Variants in FREM1 observed in about 807,000 individuals in gnomAD.
FREM1 encodes the protein FRAS1-related extracellular matrix protein 1.
In FREM1, 220 loss-of-function variants were observed where a neutral mutation model predicts 210.1. The observed-to-expected ratio is 1.05, with a 90% CI of 0.94 to 1.17. The LOEUF is 1.17. Among genes scored for constraint, FREM1 ranks in the 50% most tolerant of loss-of-function variants. The probability of loss-of-function intolerance (pLI) is 0.00; values close to 1 mark genes in which losing one functional copy is unlikely to be tolerated. For synonymous variants in FREM1, 1,189 were observed against 980.2 expected (o/e 1.21, Z -3.98); for missense variants, 3,454 against 2,675.5 (o/e 1.29, Z -6.42).
At chr9:14,771,117 G>A (rs966289251) in intron 25 of FREM1, among the ~76,000 whole-genome samples, 11 of 152,120 alleles carry the variant, frequency 7.2e-5, no homozygotes, top group Non-Finnish European at 1.6e-4. Flanking sequence ...TGGATTCCCT[G>A]CACTTGGCAC....
At chr9:14,818,912 G>T (rs1219783657) in intron 14 of FREM1, among the ~76,000 whole-genome samples, 3 of 152,124 alleles carry the variant, frequency 2.0e-5, no homozygotes, top group Non-Finnish European at 2.9e-5. Context: ...GATTATTTCA[G>T]TCTCTCTTTA....
intron 36 of FREM1, among the ~76,000 whole-genome samples, 161 bp downstream of exon 36, chr9:14,739,988 T>A (rs911561904): frequency 2.0e-4 from 31 of 152,180 alleles, no homozygotes; most frequent in African/African-American, 7.0e-4. Flanking sequence ...AAAAAAAAGG[T>A]TTAAGATGAG....
chr9:14,846,755 C>G (rs191207178), intron 7 of FREM1, among the ~76,000 whole-genome samples: 1 of 152,238 alleles, frequency 6.6e-6, no homozygotes, highest in African/African-American at 2.4e-5. Context: ...GCAGAGCAAG[C>G]TGGTCGAATT....
At chr9:14,797,457 T>C in intron 21 of FREM1, 41 bp downstream of exon 21, 4 of 1,532,658 alleles carry the variant, frequency 2.6e-6, no homozygotes, top group African/African-American at 1.4e-5. Context: ...TTTCATAGAA[T>C]TGTATAGAAA....
chr9:14,806,606 C>G, intron 18 of FREM1, 55 bp downstream of exon 18: 3 of 1,039,892 alleles, frequency 2.9e-6, no homozygotes, highest in Non-Finnish European at 4.4e-6. Context: ...CCTGGCCAAT[C>G]GCTTCCATAA....
intron 24 of FREM1, among the ~76,000 whole-genome samples, chr9:14,778,376 C>T (rs886154164): frequency 6.6e-6 from 1 of 151,470 alleles, no homozygotes; most frequent in Non-Finnish European, 1.5e-5. Context: ...CTTGGCTGGC[C>T]AAGGCGGGCA....
chr9:14,801,688 G>C lies in FREM1; in HGVS notation c.3658C>G (p.Pro1220Ala), dbSNP rs765288337. 14 of 1,613,812 alleles carry C rather than the reference G, an allele frequency of 8.7e-6. No individual in the cohort carries two copies. Among genetic ancestry groups the C allele is most frequent in the Non-Finnish European group, 1.1e-5 (13 of 1,179,696 alleles). Residue 1220 changes from proline to alanine, a missense_variant, in exon 20 of 37, where the codon CCT (proline) becomes GCT (alanine). Physicochemically the swap from Pro to Ala is conservative, Grantham distance 27. Coordinates refer to ENST00000380880, the MANE Select transcript of FREM1 (RefSeq NM_001379081.2). The stretch of plus-strand genomic sequence containing the variant: ...AGTTCCATGGAAAAGCTGTGAACAG[G>C]TGCATGTTTCTGGTGAGGGTTGGCT... ...QPANPHQKHA[P>A]VHSFSMELLK... is the part of the protein sequence containing the mutation.
intron 10 of FREM1, among the ~76,000 whole-genome samples, chr9:14,837,010 G>T (rs559327923): frequency 6.6e-5 from 10 of 152,304 alleles, no homozygotes; most frequent in Admixed American, 1.3e-4. Context: ...TTAGTCAGGT[G>T]GGCAACCTTT....
intron 5 of FREM1, among the ~76,000 whole-genome samples, chr9:14,852,730 T>C (rs1400337580): frequency 6.6e-6 from 1 of 152,172 alleles, no homozygotes; most frequent in African/African-American, 2.4e-5. Flanking sequence ...AGATGCTAGT[T>C]CTCACAGGAT....
In FREM1 at chr9:14,842,448, G is replaced by T. The variant is rs1279366336; in HGVS notation, c.1606C>A (p.Gln536Lys). 6.8e-6 allele frequency: 11 copies of T among 1,613,796 alleles called. No homozygotes were observed. Among genetic ancestry groups the T allele is most frequent in the African/African-American group, 2.7e-5 (2 of 74,926 alleles). The change falls in exon 9 of 37, where the codon CAG becomes AAG. Residue 536 changes from glutamine to lysine, a missense_variant. Coordinates refer to ENST00000380880, the MANE Select transcript of FREM1 (RefSeq NM_001379081.2). Reference sequence around the variant, plus strand: ...ATGGATCCCTGGATCAGGATGGTCTGCCCCTCCTCCAGTTCAATCACAACA... The same window carrying T: ...ATGGATCCCTGGATCAGGATGGTCTTCCCCTCCTCCAGTTCAATCACAACA... ...TNVVIELEEG[Q>K]TILIQGSMLR...
intron 1 of FREM1, among the ~76,000 whole-genome samples, chr9:14,879,690 C>T (rs1020454816): frequency 3.3e-5 from 5 of 152,114 alleles, no homozygotes; most frequent in Admixed American, 1.3e-4. Flanking sequence ...GGGATTTCTA[C>T]AAGGTATTGT....
chr9:14,832,044 G>C (rs554865498), intron 10 of FREM1, among the ~76,000 whole-genome samples: 2 of 152,232 alleles, frequency 1.3e-5, no homozygotes, highest in Non-Finnish European at 2.9e-5. Flanking sequence ...GTAACAGATT[G>C]TCTTCAACAT....
chr9:14,787,929 G>A (rs1668621553), intron 23 of FREM1, among the ~76,000 whole-genome samples: 1 of 152,072 alleles, frequency 6.6e-6, no homozygotes, highest in Non-Finnish European at 1.5e-5. Context: ...CAGGAAATAA[G>A]CAAATAAAAT....
intron 10 of FREM1, among the ~76,000 whole-genome samples, chr9:14,837,096 A>C (rs1824770733): frequency 6.6e-6 from 1 of 152,200 alleles, no homozygotes; most frequent in Non-Finnish European, 1.5e-5. Context: ...CCCTTGGCCC[A>C]TATGCTCCTG....
chr9:14,871,040 A>G (rs1439571061), intron 1 of FREM1, among the ~76,000 whole-genome samples: 1 of 151,896 alleles, frequency 6.6e-6, no homozygotes, highest in Non-Finnish European at 1.5e-5. Context: ...ACATTTTCTT[A>G]ATCCAGTCTA....
At chr9:14,827,793 C>G (rs536937298) in intron 10 of FREM1, among the ~76,000 whole-genome samples, 1 of 152,344 alleles carries the variant, frequency 6.6e-6, no homozygotes, top group Admixed American at 6.5e-5. Context: ...TGTGGGGTCT[C>G]TGCCCAGCAC....
chr9:14,756,267 T>C (rs531516464), intron 29 of FREM1, 107 bp downstream of exon 29: 3 of 789,874 alleles, frequency 3.8e-6, no homozygotes, highest in East Asian at 5.6e-5. Context: ...GAGTTTCTAG[T>C]TGGCTAAAGT....
At chr9:14,751,815 G>A (rs1267116396) in intron 29 of FREM1, 1 of 152,022 alleles carries the variant, frequency 6.6e-6, no homozygotes, top group Non-Finnish European at 1.5e-5. Context: ...GAAGTCAATG[G>A]AAAGGTGAAG....
intron 1 of FREM1, among the ~76,000 whole-genome samples, chr9:14,909,678 G>A (rs79648645): frequency 6.6e-6 from 1 of 152,352 alleles, no homozygotes; most frequent in East Asian, 1.9e-4. Context: ...ACTGAGAAGA[G>A]TTAGAAATTT....
Sources: gnomAD v4.1 joint callset for allele counts (sites outside exome capture counted in the v4.1 genomes callset) on GRCh38, gnomAD v4.1.1 for gene constraint, MANE v1.5 for transcripts, NCBI Gene and HGNC (gene_info 2026-07-23, HGNC 2026-07-21) for gene names.